Variants in STX17 observed in about 807,000 individuals in gnomAD.
STX17 encodes the protein syntaxin 17.
A neutral mutation model predicts 35.9 loss-of-function variants in STX17; 29 were observed. The observed-to-expected ratio is 0.81, with a 90% CI of 0.60 to 1.10. The LOEUF is 1.10. Ranked by LOEUF, STX17 falls within the 50% of genes least tolerant of loss-of-function variation. The probability of loss-of-function intolerance (pLI) is 0.00; values close to 1 mark genes in which losing one functional copy is unlikely to be tolerated. For missense variants in STX17, 312 were observed against 352.3 expected, an observed-to-expected ratio of 0.89 and a Z score of 0.92; for synonymous variants, 92 against 118.3, an observed-to-expected ratio of 0.78 and a Z score of 1.44.
At chr9:99,935,329 C>CAAAAAAA (rs35032937) in intron 3 of STX17, among the ~76,000 whole-genome samples, 2 of 101,198 alleles carry the variant, frequency 2.0e-5, no homozygotes. Flanking sequence ...CACTCCATCT[C>CAAAAAAA]AAAAAAAAAA....
intron 3 of STX17, among the ~76,000 whole-genome samples, chr9:99,943,600 C>A (rs1192393001): frequency 6.6e-6 from 1 of 152,220 alleles, no homozygotes; most frequent in Non-Finnish European, 1.5e-5. Context: ...TGAGCCACTG[C>A]ACCCAGCTGA....
intron 4 of STX17, among the ~76,000 whole-genome samples, chr9:99,953,474 T>G (rs763179110): frequency 6.6e-6 from 1 of 152,104 alleles, no homozygotes; most frequent in Non-Finnish European, 1.5e-5. Flanking sequence ...AGAATGCTTT[T>G]TGATAGTTTG....
intron 6 of STX17, among the ~76,000 whole-genome samples, chr9:99,964,045 C>T (rs1829872653): frequency 7.0e-6 from 1 of 141,998 alleles, no homozygotes; most frequent in African/African-American, 2.7e-5. Context: ...TAAATAAACT[C>T]GTAGCTTTCC....
chr9:99,967,626 G>A (rs758916529), intron 6 of STX17, 27 bp from the exon 7 acceptor site: 49 of 1,605,016 alleles, frequency 3.1e-5, no homozygotes, highest in Admixed American at 1.0e-4. Context: ...CAGCAGGACC[G>A]CTCACTCATA....
intron 2 of STX17, among the ~76,000 whole-genome samples, chr9:99,918,981 C>A (rs1184907110): frequency 2.0e-5 from 3 of 152,100 alleles, no homozygotes; most frequent in Non-Finnish European, 4.4e-5. Flanking sequence ...AACAGGCTCA[C>A]CACCATTCAG....
chr9:99,921,784 T>C (rs1828893599), intron 2 of STX17, among the ~76,000 whole-genome samples: 1 of 152,086 alleles, frequency 6.6e-6, no homozygotes, highest in African/African-American at 2.4e-5. Context: ...TGTGATCACA[T>C]TTGCAAGGTC....
chr9:99,971,573 TCAC>T lies in STX17; in HGVS notation c.*2903_*2905del, dbSNP rs1344620159. Reference sequence around the variant, plus strand: ...GAATACCTTCTGTTTGCCAGGCACTTCACCAGGCATTTTACAAGTAAGGAAACT... The same window carrying T: ...GAATACCTTCTGTTTGCCAGGCACTTCAGGCATTTTACAAGTAAGGAAACT... On this transcript the variant is annotated 3_prime_UTR_variant, in exon 8 of 8. Transcript: ENST00000259400. Among the ~76,000 whole-genome samples the T allele has an allele frequency of 1.3e-5, 2 of 151,996 alleles. 1 individual carries two copies. Among genetic ancestry groups the T allele is most frequent in the South Asian group, 4.2e-4 (2 of 4,780 alleles).
At chr9:99,940,286 A>T (rs952432869) in intron 3 of STX17, among the ~76,000 whole-genome samples, 1 of 151,736 alleles carries the variant, frequency 6.6e-6, no homozygotes, top group Non-Finnish European at 1.5e-5. Flanking sequence ...GCCCACCACC[A>T]TGCCTGGATA....
rs1430534011 is a variant in STX17, at chr9:99,951,353, G to A, written c.415+68G>A. The A allele has an allele frequency of 5.9e-5, 84 of 1,416,808 alleles. No homozygotes were observed. In the East Asian group the frequency reaches 1.3e-3, roughly 22 times the overall value. The allele number at this position is 1,416,808 out of a possible 1,614,324, so 87.8% of individuals were successfully genotyped here. On this transcript the variant is annotated intron_variant, in intron 4 of 7. Coordinates refer to ENST00000259400, the MANE Select transcript of STX17 (RefSeq NM_017919.3). ...AGTTAATTAAAGATCACCTCCTTGA[G>A]TAGATACTGAATTATCTATAGGTCT... is the stretch of plus-strand genomic sequence containing the variant.
intron 6 of STX17, among the ~76,000 whole-genome samples, chr9:99,961,423 A>C (rs1442970277): frequency 6.6e-6 from 1 of 152,224 alleles, no homozygotes; most frequent in Non-Finnish European, 1.5e-5. Flanking sequence ...AAGATAAGGA[A>C]CATTGTCTTT....
At chr9:99,937,596 T>C (rs1387015150) in intron 3 of STX17, among the ~76,000 whole-genome samples, 2 of 152,220 alleles carry the variant, frequency 1.3e-5, no homozygotes, top group East Asian at 3.8e-4. Flanking sequence ...GAATTTTGAT[T>C]TGAGTCTTTT....
chr9:99,963,234 C>G (rs975157426), intron 6 of STX17, among the ~76,000 whole-genome samples: 2 of 152,042 alleles, frequency 1.3e-5, no homozygotes, highest in Admixed American at 1.3e-4. Context: ...ACTAGGTACC[C>G]TGCTCTATTT....
chr9:99,968,586 G>C lies in STX17; in HGVS notation c.822G>C (p.Leu274Phe). 6.2e-7 allele frequency: 1 copy of C among 1,613,898 alleles called. No homozygotes were observed. Among genetic ancestry groups the C allele is most frequent in the Non-Finnish European group, 8.5e-7 (1 of 1,179,920 alleles). ...TGTTGGGCTTCACAGGTGGAAAATT[G>C]ATACAAAGAAAGAAACAGAAAATGA... ...GGVLGFTGGK[L>F]IQRKKQKMME... Residue 274 changes from leucine to phenylalanine, a missense_variant, in exon 8 of 8, where the codon TTG becomes TTC. Coordinates refer to ENST00000259400, the MANE Select transcript of STX17 (RefSeq NM_017919.3).
intron 1 of STX17, among the ~76,000 whole-genome samples, chr9:99,912,869 C>T (rs1282976283): frequency 6.6e-6 from 1 of 152,042 alleles, no homozygotes; most frequent in African/African-American, 2.4e-5. Flanking sequence ...CTTGCTATTC[C>T]ACTCCTTTGG....
intron 3 of STX17, among the ~76,000 whole-genome samples, chr9:99,939,980 C>T (rs754084548): frequency 4.6e-5 from 7 of 152,086 alleles, no homozygotes; most frequent in Non-Finnish European, 1.0e-4. Context: ...CATCAGCCTC[C>T]GCTCATTCTG....
chr9:99,932,893 G>C (rs916153878), intron 3 of STX17, among the ~76,000 whole-genome samples: 1 of 152,050 alleles, frequency 6.6e-6, no homozygotes, highest in African/African-American at 2.4e-5. Flanking sequence ...TTAGATTTAC[G>C]TAGTAAGAGC....
chr9:99,908,810 A>G (rs1828606034), intron 1 of STX17, among the ~76,000 whole-genome samples: 2 of 152,162 alleles, frequency 1.3e-5, no homozygotes. Flanking sequence ...CATTGCTTCC[A>G]GGGCCCCACA....
At chr9:99,911,962 C>T (rs1587907969) in intron 1 of STX17, among the ~76,000 whole-genome samples, 1 of 152,188 alleles carries the variant, frequency 6.6e-6, no homozygotes, top group Non-Finnish European at 1.5e-5. Context: ...CGTCGTGGCT[C>T]ACGCCTGTAA....
chr9:99,967,685 C>G lies in STX17; in HGVS notation c.615C>G (p.Asp205Glu). Residue 205 changes from aspartate to glutamate, a missense_variant, in exon 7 of 8, where the codon GAC becomes GAG. Transcript: ENST00000259400. ...SQQEKIDSIA[D>E]HVNSAAVNVE... ...AGGAGAAGATTGACAGCATTGCAGA[C>G]CATGTCAACAGTGCTGCTGTGAATG... The G allele has an allele frequency of 6.2e-7, 1 of 1,613,814 alleles. No individual in the cohort carries two copies. The highest frequency in any genetic ancestry group is 1.1e-5 in the South Asian group (1 of 91,072).
Sources: gnomAD v4.1 joint callset for allele counts (sites outside exome capture counted in the v4.1 genomes callset) on GRCh38, gnomAD v4.1.1 for gene constraint, MANE v1.5 for transcripts, NCBI Gene and HGNC (gene_info 2026-07-23, HGNC 2026-07-21) for gene names.